Variants in P2RY2 observed in about 807,000 individuals in gnomAD.
P2RY2 encodes the protein purinergic receptor P2Y2, also known as P2Y purinoceptor 2.
For synonymous variants in P2RY2, 241 were observed against 231.9 expected (o/e 1.04, Z -0.35); for missense variants, 567 against 515.7 (o/e 1.10, Z -0.96).
chr11:73,240,497 T>C lies in P2RY2; in HGVS notation c.*5204T>C, dbSNP rs951775552. The C allele has an allele frequency of 2.0e-5, 3 of 152,236 alleles. No homozygotes were observed. Among genetic ancestry groups the C allele is most frequent in the Non-Finnish European group, 4.4e-5 (3 of 68,122 alleles). 9.4% of individuals were successfully genotyped at this position (152,236 alleles called of 1,614,324 possible). A position where few individuals can be genotyped will look rare whatever the true frequency, so the allele number is the denominator to read the frequency against. On this transcript the variant is annotated 3_prime_UTR_variant, in exon 3 of 3. Transcript: ENST00000393597. ...AACTCCTGAAGGCCATTGTGAAACATCACGTGAGACTCCTGGGAGACACAA... is the reference window on the plus strand; with the variant it reads ...AACTCCTGAAGGCCATTGTGAAACACCACGTGAGACTCCTGGGAGACACAA...
chr11:73,235,844 G>A lies in P2RY2; in HGVS notation c.*551G>A. 2.0e-6 allele frequency: 2 copies of A among 1,000,834 alleles called. No individual in the cohort carries two copies. The highest frequency in any genetic ancestry group is 2.4e-6 in the Non-Finnish European group (2 of 830,502). The allele number at this position is 1,000,834 out of a possible 1,614,324, so 62.0% of individuals were successfully genotyped here. On this transcript the variant is annotated 3_prime_UTR_variant, in exon 3 of 3. Coordinates refer to ENST00000393597, the MANE Select transcript of P2RY2 (RefSeq NM_002564.4). ...CCCAGCCCAAGAGATGAACATCTGGGGACTAATATCATAGACCCATCTGGA... is the reference window on the plus strand; with the variant it reads ...CCCAGCCCAAGAGATGAACATCTGGAGACTAATATCATAGACCCATCTGGA...
chr11:73,219,411 C>T (rs1332068143), intron 1 of P2RY2, among the ~76,000 whole-genome samples: 2 of 152,192 alleles, frequency 1.3e-5, no homozygotes, highest in African/African-American at 4.8e-5. Flanking sequence ...CTGGGCAAGC[C>T]GTCCTTTCTC....
At position 73,234,858 on chromosome 11, in the gene P2RY2, G is replaced by A; in HGVS notation, c.699G>A (p.Ser233=). 1 of 1,610,460 alleles carries A rather than the reference G, an allele frequency of 6.2e-7. No individual in the cohort carries two copies. ...TGCTAAAGCCAGCCTACGGGACCTCGGGCGGCCTGCCTAGGGCCAAGCGCA... is the reference window on the plus strand; with the variant it reads ...TGCTAAAGCCAGCCTACGGGACCTCAGGCGGCCTGCCTAGGGCCAAGCGCA... The part of the protein sequence containing the change: ...RRLLKPAYGT[S]GGLPRAKRKS... Residue 233 remains serine, a synonymous_variant, in exon 3 of 3, where the codon TCG becomes TCA. Transcript: ENST00000393597.
At position 73,235,927 on chromosome 11, in the gene P2RY2, C is replaced by T. The variant is rs922631837; in HGVS notation, c.*634C>T. 1.3e-5 allele frequency: 13 copies of T among 1,000,236 alleles called. No homozygotes were observed. The Admixed American group carries it at 1.8e-4, about 14-fold the overall frequency. 62.0% of individuals were successfully genotyped at this position (1,000,236 alleles called of 1,614,324 possible). ...GTAACTTATACTAAAGGTTGTGTTG[C>T]CTGCTGAGCTGTGCCCTATTGTGTG... On this transcript the variant is annotated 3_prime_UTR_variant, in exon 3 of 3. Coordinates refer to ENST00000393597, the MANE Select transcript of P2RY2 (RefSeq NM_002564.4).
In P2RY2 at chr11:73,236,007, T is replaced by C. The variant is rs1194397397; in HGVS notation, c.*714T>C. The C allele has an allele frequency of 1.0e-6, 1 of 1,000,172 alleles. No homozygotes were observed. The highest frequency in any genetic ancestry group is 1.2e-6 in the Non-Finnish European group (1 of 830,078). The allele number at this position is 1,000,172 out of a possible 1,614,324, so 62.0% of individuals were successfully genotyped here. A position where few individuals can be genotyped will look rare whatever the true frequency, so the allele number is the denominator to read the frequency against. ...TTTCACCAGCCACACAAGGGTCCTT[T>C]CTCCAATCCGTTCCCTTCTGCCACC... On this transcript the variant is annotated 3_prime_UTR_variant, in exon 3 of 3. Transcript: ENST00000393597.
intron 1 of P2RY2, among the ~76,000 whole-genome samples, chr11:73,227,671 G>A (rs1396527155): frequency 2.6e-5 from 4 of 152,188 alleles, no homozygotes; most frequent in Non-Finnish European, 2.9e-5. Context: ...AACCAGGACC[G>A]AGGGAAGGGA....
At position 73,228,091 on chromosome 11, in the gene P2RY2, G is replaced by A. The variant is rs953051181; in HGVS notation, c.-89G>A. The A allele has an allele frequency of 1.3e-5, 2 of 151,788 alleles. No homozygotes were observed. The highest frequency in any genetic ancestry group is 6.6e-5 in the Admixed American group (1 of 15,240). The allele number at this position is 151,788 out of a possible 1,614,324, so 9.4% of individuals were successfully genotyped here. A position where few individuals can be genotyped will look rare whatever the true frequency, so the allele number is the denominator to read the frequency against. On this transcript the variant is annotated 5_prime_UTR_variant, in exon 2 of 3. Transcript: ENST00000393597. ...TTTCCCGCAGAGTTCCCTGCAGCCC[G>A]GTCCAGGTCCAGGCGTGTGCATTCA...
chr11:73,228,181 T>TTG lies in P2RY2; in HGVS notation c.-5+6_-5+7insTG, dbSNP rs1316568270. ...GGAGAGCAGGGGCTGGTCAGGTACG[T>TTG]GGGGTGGGGGTGGGGGGGAGCGGGT... On this transcript the variant is annotated splice_region_variant and intron_variant, in intron 2 of 2. Coordinates refer to ENST00000393597, the MANE Select transcript of P2RY2 (RefSeq NM_002564.4). 9.9e-6 allele frequency: 1 copy of TTG among 101,118 alleles called. No homozygotes were observed. Among genetic ancestry groups the TTG allele is most frequent in the African/African-American group, 7.6e-5 (1 of 13,132 alleles). 6.3% of individuals were successfully genotyped at this position (101,118 alleles called of 1,614,324 possible).
rs201458131 is a variant in P2RY2 at position 73,235,157 on chromosome 11, G to A, written c.998G>A (p.Arg333His). ...PTGPSPATPA[R>H]RRLGLRRSDR... is the part of the protein sequence containing the mutation. ...GGCCCCAGCCCTGCCACCCCGGCTC[G>A]CCGCAGGCTGGGCCTGCGCAGATCC... is the stretch of plus-strand genomic sequence containing the variant. Residue 333 changes from arginine to histidine, a missense_variant, in exon 3 of 3, where the codon CGC becomes CAC. Arg to His is a conservative substitution (Grantham distance 29, BLOSUM62 0). Transcript: ENST00000393597. The A allele has an allele frequency of 3.8e-6, 6 of 1,591,766 alleles. No homozygotes were observed. Among genetic ancestry groups the A allele is most frequent in the East Asian group, 2.3e-5 (1 of 43,116 alleles).
chr11:73,219,639 A>G (rs1862063882), intron 1 of P2RY2, among the ~76,000 whole-genome samples: 1 of 152,212 alleles, frequency 6.6e-6, no homozygotes, highest in African/African-American at 2.4e-5. Flanking sequence ...ACCAAGCCTG[A>G]ACCCTGTAGC....
rs1375977162 is a variant in P2RY2, at chr11:73,235,395, T to A, written c.*102T>A. On this transcript the variant is annotated 3_prime_UTR_variant, in exon 3 of 3. Coordinates refer to ENST00000393597, the MANE Select transcript of P2RY2 (RefSeq NM_002564.4). ...TCCCCAGATATGGACCATCAGTGACTCATGCTGGATGACCCCATGCTCCGT... is the reference window on the plus strand; with the variant it reads ...TCCCCAGATATGGACCATCAGTGACACATGCTGGATGACCCCATGCTCCGT... 1 of 1,485,612 alleles carries A rather than the reference T, an allele frequency of 6.7e-7. No homozygotes were observed. The highest frequency in any genetic ancestry group is 8.9e-7 in the Non-Finnish European group (1 of 1,118,076). 92.0% of individuals were successfully genotyped at this position (1,485,612 alleles called of 1,614,324 possible).
At chr11:73,226,516 A>T (rs1344641774) in intron 1 of P2RY2, among the ~76,000 whole-genome samples, 1 of 151,862 alleles carries the variant, frequency 6.6e-6, no homozygotes, top group Non-Finnish European at 1.5e-5. Flanking sequence ...CGCCCCCCGT[A>T]CCCAAGCTAT....
At chr11:73,219,383 T>C (rs570132850) in intron 1 of P2RY2, among the ~76,000 whole-genome samples, 98 of 152,338 alleles carry the variant, frequency 6.4e-4, no homozygotes, top group African/African-American at 2.0e-3. Flanking sequence ...TCCAATCCTG[T>C]CTTGGCCACT....
intron 1 of P2RY2, among the ~76,000 whole-genome samples, chr11:73,222,741 G>T (rs1251472309): frequency 2.6e-5 from 4 of 152,064 alleles, no homozygotes; most frequent in African/African-American, 9.7e-5. Flanking sequence ...CAGCTCAGAT[G>T]ACCCCTCCTC....
rs771201671 is a variant in P2RY2, at chr11:73,234,582, C to G, written c.423C>G (p.Ser141=). ...TGGGCGTCTTACGACCTCTGCGCTC[C>G]CTGCGCTGGGGCCGGGCCCGCTACG... is the stretch of plus-strand genomic sequence containing the variant. ...RCLGVLRPLR[S]LRWGRARYAR... is the part of the protein sequence containing the mutation. Residue 141 remains serine, a synonymous_variant, in exon 3 of 3, where the codon TCC becomes TCG. Transcript: ENST00000393597. 6.3e-7 allele frequency: 1 copy of G among 1,576,576 alleles called. No homozygotes were observed. The highest frequency in any genetic ancestry group is 1.2e-5 in the South Asian group (1 of 83,526).
chr11:73,222,502 A>G (rs994783450), intron 1 of P2RY2, among the ~76,000 whole-genome samples: 1 of 152,090 alleles, frequency 6.6e-6, no homozygotes, highest in East Asian at 1.9e-4. Context: ...GTGTCCTTAG[A>G]ATAGAGGCCA....
rs768583266 is a variant in P2RY2, at chr11:73,234,628, G to T, written c.469G>T (p.Val157Leu). 100 of 1,570,764 alleles carry T rather than the reference G, an allele frequency of 6.4e-5. 1 individual carries two copies. The highest frequency in any genetic ancestry group is 5.3e-5 in the Admixed American group (3 of 56,332). ...ARYARRVAGAVWVLVLACQAP... is the reference protein window; with the variant it reads ...ARYARRVAGALWVLVLACQAP... Reference sequence around the variant, plus strand: ...CTACGCTCGCCGGGTGGCCGGGGCCGTGTGGGTGTTGGTGCTGGCCTGCCA... The same window carrying T: ...CTACGCTCGCCGGGTGGCCGGGGCCTTGTGGGTGTTGGTGCTGGCCTGCCA... The change falls in exon 3 of 3, where the codon GTG becomes TTG. Residue 157 changes from valine (V) to leucine (L), a missense_variant. By Grantham distance (32) the Val-to-Leu change is conservative. Transcript: ENST00000393597.
At chr11:73,223,051 G>T (rs1862166014) in intron 1 of P2RY2, among the ~76,000 whole-genome samples, 1 of 152,154 alleles carries the variant, frequency 6.6e-6, no homozygotes, top group Non-Finnish European at 1.5e-5. Flanking sequence ...GACCCCTGTG[G>T]CTCTGAGAAT....
In P2RY2 at chr11:73,234,400, C is replaced by T. The variant is rs1336699779; in HGVS notation, c.241C>T (p.Leu81=). ...YMFHLAVSDA[L]YAASLPLLVY... is the part of the protein sequence containing the mutation. Reference sequence around the variant, plus strand: ...GTTCCACCTGGCTGTGTCTGATGCACTGTATGCGGCCTCCCTGCCGCTGCT... The same window carrying T: ...GTTCCACCTGGCTGTGTCTGATGCATTGTATGCGGCCTCCCTGCCGCTGCT... Residue 81 remains leucine (L), a synonymous_variant, in exon 3 of 3, where the codon CTG becomes TTG. Transcript: ENST00000393597. 3 of 1,614,248 alleles carry T rather than the reference C, an allele frequency of 1.9e-6. No individual in the cohort carries two copies. Among genetic ancestry groups the T allele is most frequent in the Admixed American group, 3.3e-5 (2 of 60,032 alleles).
Sources: gnomAD v4.1 joint callset for allele counts (sites outside exome capture counted in the v4.1 genomes callset) on GRCh38, gnomAD v4.1.1 for gene constraint, MANE v1.5 for transcripts, NCBI Gene and HGNC (gene_info 2026-07-23, HGNC 2026-07-21) for gene names.